The following NBAS variants were observed in gnomAD, a reference collection of about 807,000 sequenced individuals.
NBAS encodes the protein NBAS subunit of NRZ tethering complex.
Under a neutral mutation model 302.5 loss-of-function variants are expected in NBAS, and 219 were observed. The observed-to-expected ratio is 0.72, with a 90% CI of 0.65 to 0.81. The LOEUF is 0.81. Ranked by LOEUF, NBAS falls within the 30% of genes least tolerant of loss-of-function variation. The pLI is 0.00. For missense variants in NBAS, 2,932 were observed against 2,841.6 expected, an observed-to-expected ratio of 1.03 and a Z score of -0.72; for synonymous variants, 1,118 against 1,021.6, an observed-to-expected ratio of 1.09 and a Z score of -1.80.
the NBAS span, among the ~76,000 whole-genome samples, chr2:15,039,943 T>C: frequency 1.3e-5 from 2 of 152,196 alleles, no homozygotes; most frequent in African/African-American, 4.8e-5. Flanking sequence ...AGTCTTGTAA[T>C]AGGTCAGGCA....
At chr2:15,528,632 C>T (rs1663050429) in intron 9 of NBAS, among the ~76,000 whole-genome samples, 2 of 149,516 alleles carry the variant, frequency 1.3e-5, no homozygotes, top group Admixed American at 6.7e-5. Context: ...CTTTGGGAGG[C>T]TGAGGCGGGA....
the NBAS span, among the ~76,000 whole-genome samples, chr2:14,813,154 CAGT>C: frequency 6.6e-6 from 1 of 152,134 alleles, no homozygotes; most frequent in Non-Finnish European, 1.5e-5. Flanking sequence ...TTCTTTATAG[CAGT>C]GTGAGAATGA....
At chr2:15,336,906 G>T (rs1415658102) in intron 35 of NBAS, among the ~76,000 whole-genome samples, 2 of 152,090 alleles carry the variant, frequency 1.3e-5, no homozygotes, top group African/African-American at 4.8e-5. Flanking sequence ...TATAAATATG[G>T]TAAGAATTAT....
chr2:14,997,305 C>T, the NBAS span, among the ~76,000 whole-genome samples: 1 of 152,094 alleles, frequency 6.6e-6, no homozygotes, highest in African/African-American at 2.4e-5. Flanking sequence ...ACACATACAC[C>T]TGAATCTAAA....
At chr2:15,283,310 T>C (rs1176791343) in intron 42 of NBAS, among the ~76,000 whole-genome samples, 1 of 152,144 alleles carries the variant, frequency 6.6e-6, no homozygotes, top group Non-Finnish European at 1.5e-5. Flanking sequence ...CTTGATATAG[T>C]TTGATTGCAT....
At chr2:15,264,920 T>C (rs1477607287) in intron 44 of NBAS, among the ~76,000 whole-genome samples, 1 of 152,196 alleles carries the variant, frequency 6.6e-6, no homozygotes, top group African/African-American at 2.4e-5. Flanking sequence ...TTGGAGGCAT[T>C]AGTTCCCCTT....
At chr2:15,275,445 T>C in intron 44 of NBAS, 39 bp downstream of exon 44, 2 of 1,577,980 alleles carry the variant, frequency 1.3e-6, no homozygotes, top group Non-Finnish European at 1.7e-6. Flanking sequence ...TCATTTCTTC[T>C]ACTGTGCTCA....
the NBAS span, among the ~76,000 whole-genome samples, chr2:15,109,469 C>A: frequency 6.6e-6 from 1 of 152,112 alleles, no homozygotes. Flanking sequence ...TGCTATGGAA[C>A]TATGGGGTGC....
chr2:15,178,193 T>G (rs1266948356), intron 51 of NBAS: 1 of 469,598 alleles, frequency 2.1e-6, no homozygotes, highest in South Asian at 1.5e-5. Flanking sequence ...AGCATGCATG[T>G]GTATATATAC....
chr2:15,088,587 G>C, the NBAS span, among the ~76,000 whole-genome samples: 1 of 152,184 alleles, frequency 6.6e-6, no homozygotes, highest in African/African-American at 2.4e-5. Flanking sequence ...TGCTGGGTCT[G>C]TATACTGTCC....
the NBAS span, among the ~76,000 whole-genome samples, chr2:15,118,315 A>T: frequency 6.6e-6 from 1 of 152,204 alleles, no homozygotes; most frequent in Non-Finnish European, 1.5e-5. Flanking sequence ...ACTCTTGAGA[A>T]AGTCTTTGTG....
At chr2:15,302,410 T>A (rs2148139722) in intron 40 of NBAS, among the ~76,000 whole-genome samples, 1 of 152,272 alleles carries the variant, frequency 6.6e-6, no homozygotes, top group Non-Finnish European at 1.5e-5. Context: ...TGTTCAGGCA[T>A]CATCACTGGG....
chr2:15,349,235 G>C (rs1265728628), intron 35 of NBAS, among the ~76,000 whole-genome samples: 1 of 152,170 alleles, frequency 6.6e-6, no homozygotes, highest in African/African-American at 2.4e-5. Flanking sequence ...CAAAACTTCA[G>C]ATAAAGATCT....
chr2:15,136,240 G>A, the NBAS span, among the ~76,000 whole-genome samples: 3 of 152,194 alleles, frequency 2.0e-5, no homozygotes, highest in Non-Finnish European at 2.9e-5. Flanking sequence ...CTGTTCATGA[G>A]AGTGTATTCT....
At chr2:15,085,774 A>G in the NBAS span, among the ~76,000 whole-genome samples, 9,192 of 152,214 alleles carry the variant, frequency 0.06, 638 homozygotes, top group African/African-American at 0.15. Flanking sequence ...ACCAGCTCCG[A>G]TCTCAGAGAA....
the NBAS span, among the ~76,000 whole-genome samples, chr2:15,151,390 A>G: frequency 2.0e-5 from 3 of 152,242 alleles, no homozygotes; most frequent in East Asian, 5.8e-4. Flanking sequence ...ATCTTTTGGT[A>G]GAATGCTCCT....
intron 12 of NBAS, among the ~76,000 whole-genome samples, chr2:15,486,972 A>G (rs764338173): frequency 1.2e-4 from 19 of 152,162 alleles, no homozygotes; most frequent in Middle Eastern, 3.2e-3. Context: ...ATACTAATCA[A>G]TTTTGCTCAG....
chr2:15,376,608 T>A (rs1558284212), intron 30 of NBAS, among the ~76,000 whole-genome samples: 2 of 152,020 alleles, frequency 1.3e-5, no homozygotes, highest in Admixed American at 6.6e-5. Context: ...GTGGGGGGAA[T>A]GGGGGGACTT....
intron 11 of NBAS, among the ~76,000 whole-genome samples, chr2:15,496,952 G>T (rs1391222099): frequency 6.6e-6 from 1 of 152,094 alleles, no homozygotes; most frequent in East Asian, 1.9e-4. Context: ...GACTATAAGA[G>T]GAGTCTGAGG....
Sources: allele counts gnomAD v4.1 joint callset (sites outside exome capture counted in the v4.1 genomes callset), GRCh38; gene constraint gnomAD v4.1.1; transcripts MANE v1.5; gene names NCBI Gene and HGNC (gene_info 2026-07-23, HGNC 2026-07-21).